TMEFF2: variants seen among roughly 807,000 people sequenced by gnomAD.
The protein encoded by TMEFF2 is transmembrane protein with EGF like and two follistatin like domains 2.
A neutral mutation model predicts 53.8 loss-of-function variants in TMEFF2; 28 were observed. The ratio of observed to expected loss-of-function variants is 0.52; its 90% CI spans 0.39 to 0.71. The LOEUF is 0.71. Among genes scored for constraint, TMEFF2 ranks in the 30% least tolerant of loss-of-function variants. The pLI is 0.00. For missense variants in TMEFF2, 353 were observed against 455.2 expected (o/e 0.78, Z 2.04); for synonymous variants, 162 against 166.3 (o/e 0.97, Z 0.20).
chr2:192,080,752 A>G (rs1227843709), intron 4 of TMEFF2, among the ~76,000 whole-genome samples: 3 of 152,074 alleles, frequency 2.0e-5, no homozygotes, highest in African/African-American at 4.8e-5. Context: ...AACCCCATAC[A>G]TGTACTTATT....
At chr2:192,009,885 A>G (rs574542115) in intron 5 of TMEFF2, among the ~76,000 whole-genome samples, 3 of 152,190 alleles carry the variant, frequency 2.0e-5, no homozygotes, top group Non-Finnish European at 2.9e-5. Context: ...AAAACACTGT[A>G]CTTTATCATT....
chr2:192,190,016 T>G (rs1021904298), intron 2 of TMEFF2, among the ~76,000 whole-genome samples: 2 of 152,196 alleles, frequency 1.3e-5, no homozygotes, highest in African/African-American at 2.4e-5. Flanking sequence ...CACTCCCCCA[T>G]CTATTCCACT....
Position 192,152,966 on chromosome 2 carries a change from T to C in TMEFF2, c.439+26702A>G, listed in dbSNP as rs566946512. On this transcript the variant is annotated intron_variant, in intron 4 of 9. Transcript: ENST00000272771. ...TCAGGTTCCATTACAACCTTAAAACTGAGACTTTTATGCATGAAGATATTA... is the reference window on the plus strand; with the variant it reads ...TCAGGTTCCATTACAACCTTAAAACCGAGACTTTTATGCATGAAGATATTA... Among the ~76,000 whole-genome samples the C allele has an allele frequency of 2.0e-5, 3 of 151,982 alleles. No homozygotes were observed. In the East Asian group the frequency reaches 5.8e-4, roughly 29 times the overall value.
intron 7 of TMEFF2, among the ~76,000 whole-genome samples, chr2:191,984,185 A>C (rs933447212): frequency 2.6e-5 from 4 of 152,104 alleles, no homozygotes; most frequent in African/African-American, 9.7e-5. Context: ...AAATTTTGTT[A>C]ATTAAAAAAA....
chr2:192,193,885 C>T (rs1270992406), intron 1 of TMEFF2, among the ~76,000 whole-genome samples: 1 of 152,038 alleles, frequency 6.6e-6, no homozygotes, highest in East Asian at 1.9e-4. Context: ...CCTCATGGCA[C>T]CTTTGCCAGG....
chr2:192,025,861 CT>C (rs1239588041), intron 5 of TMEFF2, among the ~76,000 whole-genome samples: 1 of 152,190 alleles, frequency 6.6e-6, no homozygotes, highest in Non-Finnish European at 1.5e-5. Context: ...AGCACAGCTG[CT>C]TTTGCCGCTT....
intron 4 of TMEFF2, among the ~76,000 whole-genome samples, chr2:192,097,873 T>C (rs1161330682): frequency 2.0e-5 from 3 of 152,182 alleles, no homozygotes; most frequent in Admixed American, 6.5e-5. Flanking sequence ...ATACGTATAA[T>C]ATCACATTTA....
intron 2 of TMEFF2, among the ~76,000 whole-genome samples, chr2:192,190,623 A>G (rs1691439409): frequency 6.6e-6 from 1 of 152,192 alleles, no homozygotes; most frequent in Admixed American, 6.5e-5. Context: ...CAGTCAGAGC[A>G]CTACTTACCC....
chr2:192,183,212 C>G (rs775638312), intron 3 of TMEFF2, among the ~76,000 whole-genome samples: 1 of 152,024 alleles, frequency 6.6e-6, no homozygotes, highest in Non-Finnish European at 1.5e-5. Flanking sequence ...ATTCTATTCT[C>G]TTTCTTCTGC....
chr2:192,041,798 A>G (rs965108571), intron 5 of TMEFF2, among the ~76,000 whole-genome samples: 7 of 152,232 alleles, frequency 4.6e-5, no homozygotes, highest in African/African-American at 1.7e-4. Flanking sequence ...GCCGTAGAAA[A>G]GGAGAGAGAT....
At chr2:192,121,724 G>A (rs543257188) in intron 4 of TMEFF2, among the ~76,000 whole-genome samples, 1 of 152,224 alleles carries the variant, frequency 6.6e-6, no homozygotes, top group South Asian at 2.1e-4. Flanking sequence ...TCATGGATTA[G>A]ACAGTTGTCA....
chr2:192,011,051 T>C (rs775103066), intron 5 of TMEFF2, among the ~76,000 whole-genome samples: 81 of 152,190 alleles, frequency 5.3e-4, no homozygotes, highest in Non-Finnish European at 9.8e-4. Flanking sequence ...GAATTCCTCA[T>C]TGCAAGATTC....
In TMEFF2 at chr2:192,167,197, G is replaced by A. The variant is rs576862428; in HGVS notation, c.439+12471C>T. Among the ~76,000 whole-genome samples the A allele has an allele frequency of 9.9e-5, 15 of 152,176 alleles. No homozygotes were observed. In the South Asian group the frequency reaches 2.5e-3, roughly 25 times the overall value. Reference sequence around the variant, plus strand: ...AACCTTTGTCTTATCTGGCAAGAACGAAACCTATTTTTCCTAATAAAATAT... The same window carrying A: ...AACCTTTGTCTTATCTGGCAAGAACAAAACCTATTTTTCCTAATAAAATAT... On this transcript the variant is annotated intron_variant, in intron 4 of 9. Transcript: ENST00000272771.
At chr2:192,122,568 A>T (rs1294007990) in intron 4 of TMEFF2, among the ~76,000 whole-genome samples, 1 of 152,166 alleles carries the variant, frequency 6.6e-6, no homozygotes, top group African/African-American at 2.4e-5. Context: ...GTACTGCATT[A>T]TACGGCTTCG....
At chr2:192,069,304 C>T (rs1475286087) in intron 4 of TMEFF2, among the ~76,000 whole-genome samples, 1 of 151,654 alleles carries the variant, frequency 6.6e-6, no homozygotes, top group Non-Finnish European at 1.5e-5. Flanking sequence ...GGAATTTGCT[C>T]CACTAGCAGC....
intron 4 of TMEFF2, among the ~76,000 whole-genome samples, chr2:192,093,923 C>T (rs566649640): frequency 6.6e-6 from 1 of 152,204 alleles, no homozygotes; most frequent in African/African-American, 2.4e-5. Context: ...CTTGCGTTTT[C>T]ATCTAAGTTG....
chr2:192,074,037 C>G (rs1487521699), intron 4 of TMEFF2, among the ~76,000 whole-genome samples: 1 of 151,896 alleles, frequency 6.6e-6, no homozygotes, highest in African/African-American at 2.4e-5. Context: ...GGTTCAGTGC[C>G]TGGGAGGGTC....
At chr2:192,113,412 C>A (rs996019795) in intron 4 of TMEFF2, among the ~76,000 whole-genome samples, 2 of 151,982 alleles carry the variant, frequency 1.3e-5, no homozygotes, top group South Asian at 2.1e-4. Flanking sequence ...TATGTTATCA[C>A]CAAACAAGAA....
intron 4 of TMEFF2, among the ~76,000 whole-genome samples, chr2:192,130,124 A>T (rs1338772033): frequency 6.6e-6 from 1 of 152,120 alleles, no homozygotes; most frequent in African/African-American, 2.4e-5. Flanking sequence ...TAACAATCTT[A>T]ATTTGTCTAG....
Sources: gnomAD v4.1 joint callset for allele counts (sites outside exome capture counted in the v4.1 genomes callset) on GRCh38, gnomAD v4.1.1 for gene constraint, MANE v1.5 for transcripts, NCBI Gene and HGNC (gene_info 2026-07-23, HGNC 2026-07-21) for gene names.